Variants in TNRC6A observed in about 807,000 individuals in gnomAD.
TNRC6A encodes trinucleotide repeat-containing gene 6A protein.
Under a neutral mutation model 221.2 loss-of-function variants are expected in TNRC6A, and 44 were observed. The ratio of observed to expected loss-of-function variants is 0.20; its 90% CI spans 0.16 to 0.26. TNRC6A has a LOEUF of 0.26. Ranked by LOEUF, TNRC6A falls within the 10% of genes least tolerant of loss-of-function variation. TNRC6A has a pLI of 1.00. For synonymous variants in TNRC6A, 847 were observed against 838.5 expected, an observed-to-expected ratio of 1.01 and a Z score of -0.18; for missense variants, 2,199 against 2,404.4, an observed-to-expected ratio of 0.91 and a Z score of 1.79.
chr16:24,705,638 G>A (rs752703557), intron 2 of TNRC6A, among the ~76,000 whole-genome samples: 39 of 152,112 alleles, frequency 2.6e-4, no homozygotes, highest in Non-Finnish European at 5.1e-4. Flanking sequence ...AGCCTTAGGT[G>A]AATTCTTAAT....
At chr16:24,650,839 C>A (rs1902602419) in intron 2 of TNRC6A, among the ~76,000 whole-genome samples, 2 of 152,004 alleles carry the variant, frequency 1.3e-5, no homozygotes, top group South Asian at 2.1e-4. Context: ...ATAATCCTAC[C>A]AAAGCAAAAT....
intron 1 of TNRC6A, among the ~76,000 whole-genome samples, chr16:24,627,223 T>A (rs1901065980): frequency 6.6e-6 from 1 of 152,198 alleles, no homozygotes; most frequent in East Asian, 1.9e-4. Context: ...CCTGGAGCAG[T>A]CACTGGTGAC....
intron 2 of TNRC6A, among the ~76,000 whole-genome samples, chr16:24,730,525 T>A (rs1367834960): frequency 6.6e-6 from 1 of 150,862 alleles, no homozygotes; most frequent in African/African-American, 2.4e-5. Flanking sequence ...CGCAAAGCAA[T>A]TCTTGTAAAC....
At chr16:24,736,363 A>G (rs1200855642) in intron 2 of TNRC6A, among the ~76,000 whole-genome samples, 1 of 152,158 alleles carries the variant, frequency 6.6e-6, no homozygotes, top group Non-Finnish European at 1.5e-5. Context: ...TCAAATGATC[A>G]CCCACAGGAA....
intron 2 of TNRC6A, among the ~76,000 whole-genome samples, chr16:24,674,110 G>A (rs1054281704): frequency 3.3e-5 from 5 of 151,804 alleles, no homozygotes; most frequent in South Asian, 2.1e-4. Flanking sequence ...TGGCTGTGTC[G>A]CCCAGGCTGG....
chr16:24,728,201 C>T (rs1389365815), upstream of TNRC6A, among the ~76,000 whole-genome samples: 2 of 152,196 alleles, frequency 1.3e-5, no homozygotes, highest in Non-Finnish European at 2.9e-5. Context: ...GTAATCCCAA[C>T]ACCTTGGGAG....
intron 18 of TNRC6A, among the ~76,000 whole-genome samples, chr16:24,814,166 A>T (rs942083353): frequency 6.6e-6 from 1 of 152,138 alleles, no homozygotes; most frequent in Non-Finnish European, 1.5e-5. Context: ...GACCAGCTTC[A>T]TCATCCCTGA....
At chr16:24,709,920 A>G (rs761564830) in intron 2 of TNRC6A, among the ~76,000 whole-genome samples, 1 of 152,054 alleles carries the variant, frequency 6.6e-6, no homozygotes, top group Non-Finnish European at 1.5e-5. Flanking sequence ...GAACAAAGGT[A>G]TAAATTTTTT....
chr16:24,734,395 G>A (rs1023207283), intron 2 of TNRC6A, among the ~76,000 whole-genome samples: 1 of 151,784 alleles, frequency 6.6e-6, no homozygotes, highest in African/African-American at 2.4e-5. Context: ...TTTTGCAGTT[G>A]TAAAAAAAAA....
Position 24,789,886 on chromosome 16 carries a change from C to T in TNRC6A, c.1244C>T (p.Ser415Phe). The T allele has an allele frequency of 6.2e-7, 1 of 1,614,050 alleles. No homozygotes were observed. The highest frequency in any genetic ancestry group is 8.5e-7 in the Non-Finnish European group (1 of 1,180,028). ...QSINSKVSGG[S>F]THGTWGSLQE... is the part of the protein sequence containing the mutation. ...ATTAACTCTAAAGTGAGTGGTGGTT[C>T]TACCCATGGTACCTGGGGAAGCCTT... Residue 415 changes from serine (S) to phenylalanine (F), a missense_variant, in exon 6 of 25, where the codon TCT (serine) becomes TTT (phenylalanine). This residue lies in a region of TNRC6A where 1,405 missense variants were observed against 1,400.2 expected (regional missense o/e 1.00). Coordinates refer to ENST00000395799, the MANE Select transcript of TNRC6A (RefSeq NM_014494.4).
intron 2 of TNRC6A, among the ~76,000 whole-genome samples, chr16:24,698,491 T>G (rs756566196): frequency 3.5e-4 from 53 of 152,106 alleles, no homozygotes; most frequent in East Asian, 7.7e-4. Context: ...CACCCGTACA[T>G]TCTTTACTGT....
At chr16:24,731,149 G>A (rs1596563442) in intron 2 of TNRC6A, among the ~76,000 whole-genome samples, 1 of 151,902 alleles carries the variant, frequency 6.6e-6, no homozygotes, top group East Asian at 1.9e-4. Flanking sequence ...ATCATATTGG[G>A]ACACTCAGGG....
chr16:24,666,010 GTGTT>G (rs2055151401), intron 2 of TNRC6A, among the ~76,000 whole-genome samples: 2 of 152,250 alleles, frequency 1.3e-5, no homozygotes, highest in South Asian at 4.1e-4. Context: ...AACCTTCTGA[GTGTT>G]TGTGAGAAAT....
chr16:24,679,501 G>C (rs1213895466), intron 2 of TNRC6A, among the ~76,000 whole-genome samples: 1 of 150,934 alleles, frequency 6.6e-6, no homozygotes, highest in Non-Finnish European at 1.5e-5. Flanking sequence ...TTCAAAGACG[G>C]AGTCTTGCTC....
chr16:24,682,436 C>G (rs1189458846), intron 2 of TNRC6A, among the ~76,000 whole-genome samples: 1 of 148,914 alleles, frequency 6.7e-6, no homozygotes, highest in African/African-American at 2.5e-5. Context: ...CCATATGGTC[C>G]AGGCTGGTCT....
intron 4 of TNRC6A, chr16:24,776,234 A>G (rs777305152): frequency 2.2e-5 from 22 of 980,744 alleles, no homozygotes; most frequent in Non-Finnish European, 2.4e-5. Flanking sequence ...CTCTTTTATG[A>G]GTCAAAAATT....
chr16:24,648,757 C>G (rs76969166), intron 2 of TNRC6A, among the ~76,000 whole-genome samples: 2 of 152,192 alleles, frequency 1.3e-5, no homozygotes, highest in Non-Finnish European at 2.9e-5. Flanking sequence ...TGTTGAGCAT[C>G]TTTTCATGTG....
intron 2 of TNRC6A, among the ~76,000 whole-genome samples, chr16:24,691,906 C>A (rs1364952533): frequency 6.6e-6 from 1 of 152,130 alleles, no homozygotes; most frequent in Non-Finnish European, 1.5e-5. Context: ...AATTAAAGGA[C>A]CCATCACCCT....
At chr16:24,643,156 A>T (rs1245708508) in intron 2 of TNRC6A, among the ~76,000 whole-genome samples, 1 of 144,616 alleles carries the variant, frequency 6.9e-6, no homozygotes, top group African/African-American at 2.6e-5. Context: ...CATCCCATTC[A>T]TGGGAACCCC....
Sources: gnomAD v4.1 joint callset for allele counts (sites outside exome capture counted in the v4.1 genomes callset) on GRCh38, gnomAD v4.1.1 for gene constraint, gnomAD v4.1.1 regional missense constraint, MANE v1.5 for transcripts, NCBI Gene and HGNC (gene_info 2026-07-23, HGNC 2026-07-21) for gene names.